MTRF1: variants seen among roughly 807,000 people sequenced by gnomAD.
The protein encoded by MTRF1 is peptide chain release factor 1, mitochondrial.
A neutral mutation model predicts 62.9 loss-of-function variants in MTRF1; 51 were observed. The ratio of observed to expected loss-of-function variants is 0.81; its 90% CI spans 0.65 to 1.02. The LOEUF (loss-of-function observed/expected upper bound fraction) is 1.02. MTRF1 is among the 50% of genes least tolerant of loss of function. The pLI is 0.00. For synonymous variants in MTRF1, 158 were observed against 181.9 expected, an observed-to-expected ratio of 0.87 and a Z score of 1.06; for missense variants, 446 against 530.0, an observed-to-expected ratio of 0.84 and a Z score of 1.56.
intron 9 of MTRF1, among the ~76,000 whole-genome samples, chr13:41,221,406 C>T (rs1187303889): frequency 1.3e-5 from 2 of 152,134 alleles, no homozygotes; most frequent in South Asian, 2.1e-4. Flanking sequence ...GATCTGCCCA[C>T]CTCGGCCTCC....
At chr13:41,219,278 A>C (rs2032672668) in intron 9 of MTRF1, among the ~76,000 whole-genome samples, 1 of 128,162 alleles carries the variant, frequency 7.8e-6, no homozygotes, top group South Asian at 2.8e-4. Context: ...GCAACAGAGC[A>C]AGACTCTGTC....
chr13:41,258,300 C>A (rs2039986622), intron 2 of MTRF1, among the ~76,000 whole-genome samples: 1 of 151,900 alleles, frequency 6.6e-6, no homozygotes, highest in Non-Finnish European at 1.5e-5. Context: ...AAATGAAGCA[C>A]AGAAGAAAAT....
the MTRF1 span, among the ~76,000 whole-genome samples, chr13:41,297,356 A>G: frequency 1.3e-5 from 2 of 152,114 alleles, no homozygotes; most frequent in African/African-American, 4.8e-5. Flanking sequence ...TGTTCTTACA[A>G]TCTCCAAGGT....
At chr13:41,257,898 A>T (rs1304753553) in intron 2 of MTRF1, 1 of 278,406 alleles carries the variant, frequency 3.6e-6, no homozygotes, top group Admixed American at 3.7e-5. Flanking sequence ...CACTGAGCTT[A>T]GTGCCTAGCA....
the MTRF1 span, chr13:41,311,625 T>C: frequency 6.4e-7 from 1 of 1,572,534 alleles, no homozygotes; most frequent in Non-Finnish European, 8.6e-7. Context: ...GGTCCCCGGG[T>C]CCTCGGGCCT....
intron 1 of MTRF1, chr13:41,262,352 A>AAG (rs1467835703): frequency 3.1e-4 from 47 of 150,664 alleles, no homozygotes; most frequent in African/African-American, 1.1e-3. Context: ...AAAAAAAAAA[A>AAG]AAAAAGAAAC....
the MTRF1 span, among the ~76,000 whole-genome samples, chr13:41,282,754 C>G: frequency 4.6e-5 from 7 of 152,222 alleles, 1 homozygote; most frequent in African/African-American, 1.7e-4. Flanking sequence ...TAATTCTTAT[C>G]ACCTGCCAAA....
At chr13:41,311,563 A>G in the MTRF1 span, 161 of 1,608,104 alleles carry the variant, frequency 1.0e-4, no homozygotes, top group Non-Finnish European at 1.3e-4. Flanking sequence ...AAGGAGAGCA[A>G]CCTCTTCAAA....
At chr13:41,217,391 C>T (rs910678676) in intron 9 of MTRF1, among the ~76,000 whole-genome samples, 163 bp from the exon 10 acceptor site, 1 of 152,194 alleles carries the variant, frequency 6.6e-6, no homozygotes, top group African/African-American at 2.4e-5. Flanking sequence ...GGAAGATCCC[C>T]ACTCTGTAGA....
intron 6 of MTRF1, among the ~76,000 whole-genome samples, chr13:41,238,214 G>T (rs775181871): frequency 6.6e-6 from 1 of 152,122 alleles, no homozygotes; most frequent in African/African-American, 2.4e-5. Context: ...TCTGAGGCAG[G>T]ATAGTACAAA....
At chr13:41,238,306 C>A (rs1161111957) in intron 6 of MTRF1, among the ~76,000 whole-genome samples, 1 of 151,936 alleles carries the variant, frequency 6.6e-6, no homozygotes, top group Non-Finnish European at 1.5e-5. Flanking sequence ...AAAGAGGTAC[C>A]CTAAAAGGCT....
At chr13:41,252,426 T>A (rs2039189107) in intron 5 of MTRF1, 1 of 354,974 alleles carries the variant, frequency 2.8e-6, no homozygotes, top group South Asian at 1.1e-4. Flanking sequence ...AATTCACATA[T>A]TTCTCCCTAA....
chr13:41,286,106 A>AG, the MTRF1 span, among the ~76,000 whole-genome samples: 1 of 147,564 alleles, frequency 6.8e-6, no homozygotes, highest in African/African-American at 2.5e-5. Flanking sequence ...AAAAAAAAAA[A>AG]GGGAAAACTG....
At chr13:41,256,109 T>A (rs1047309486) in intron 2 of MTRF1, among the ~76,000 whole-genome samples, 1 of 152,150 alleles carries the variant, frequency 6.6e-6, no homozygotes, top group African/African-American at 2.4e-5. Context: ...ACTCTGCTAG[T>A]TGCTGGGGAG....
At chr13:41,286,681 A>G in the MTRF1 span, among the ~76,000 whole-genome samples, 2 of 152,228 alleles carry the variant, frequency 1.3e-5, no homozygotes, top group African/African-American at 4.8e-5. Context: ...ACTCCACTCC[A>G]GTACACCCAC....
the MTRF1 span, among the ~76,000 whole-genome samples, chr13:41,271,076 C>G: frequency 6.7e-6 from 1 of 149,792 alleles, no homozygotes; most frequent in Admixed American, 6.6e-5. Context: ...CACACACACA[C>G]ACACACACAC....
the MTRF1 span, among the ~76,000 whole-genome samples, chr13:41,270,719 C>T: frequency 6.7e-6 from 1 of 149,710 alleles, no homozygotes; most frequent in Admixed American, 6.8e-5. Flanking sequence ...ATTATAAAGG[C>T]TTTTTATTAT....
At chr13:41,309,856 T>C in the MTRF1 span, among the ~76,000 whole-genome samples, 1 of 151,968 alleles carries the variant, frequency 6.6e-6, no homozygotes, top group Admixed American at 6.5e-5. Context: ...ATTAGCCAGG[T>C]GTGGTGGTGC....
intron 9 of MTRF1, among the ~76,000 whole-genome samples, chr13:41,218,165 G>C (rs2032302130): frequency 6.6e-6 from 1 of 152,056 alleles, no homozygotes; most frequent in Non-Finnish European, 1.5e-5. Context: ...GCCCAGGCTG[G>C]AGTATAGTGG....
Sources: gnomAD v4.1 joint callset for allele counts (sites outside exome capture counted in the v4.1 genomes callset) on GRCh38, gnomAD v4.1.1 for gene constraint, MANE v1.5 for transcripts, NCBI Gene and HGNC (gene_info 2026-07-23, HGNC 2026-07-21) for gene names.